Variants in SPATA17 observed in about 807,000 individuals in gnomAD.
The protein encoded by SPATA17 is spermatogenesis-associated protein 17.
In SPATA17, 53 loss-of-function variants were observed where a neutral mutation model predicts 62.2. That is an observed-to-expected ratio of 0.85 (90% CI 0.68 to 1.07). SPATA17 has a LOEUF of 1.07. Ranked by LOEUF, SPATA17 falls within the 50% of genes least tolerant of loss-of-function variation. The pLI, the probability that SPATA17 is intolerant of heterozygous loss-of-function variation, is 0.00. For synonymous variants in SPATA17, 146 were observed against 146.8 expected (o/e 0.99, Z 0.04); for missense variants, 466 against 425.5 (o/e 1.10, Z -0.84).
At chr1:217,755,065 G>A (rs1336733385) in intron 6 of SPATA17, among the ~76,000 whole-genome samples, 2 of 151,970 alleles carry the variant, frequency 1.3e-5, no homozygotes, top group African/African-American at 2.4e-5. Flanking sequence ...TATGCAAAAT[G>A]TAAATATTTT....
At chr1:217,667,957 C>G (rs1571718276) in intron 3 of SPATA17, among the ~76,000 whole-genome samples, 1 of 152,334 alleles carries the variant, frequency 6.6e-6, no homozygotes, top group Middle Eastern at 3.4e-3. Context: ...CCCTGCTGCT[C>G]TCCACAGACA....
intron 6 of SPATA17, among the ~76,000 whole-genome samples, chr1:217,748,743 C>CAAAA (rs34000760): frequency 8.7e-6 from 1 of 115,384 alleles, no homozygotes; most frequent in Admixed American, 9.6e-5. Context: ...GACTCTGACT[C>CAAAA]AAAAAAAAAA....
At chr1:217,800,890 G>A (rs1349982353) in intron 8 of SPATA17, among the ~76,000 whole-genome samples, 1 of 152,026 alleles carries the variant, frequency 6.6e-6, no homozygotes, top group Non-Finnish European at 1.5e-5. Flanking sequence ...TTTGGTGAGG[G>A]ATCTGGGTTA....
intron 9 of SPATA17, among the ~76,000 whole-genome samples, chr1:217,851,312 C>T (rs1461805451): frequency 2.6e-5 from 4 of 151,902 alleles, no homozygotes; most frequent in Admixed American, 2.6e-4. Context: ...ATTAATGATG[C>T]ATGTATACTA....
intron 9 of SPATA17, among the ~76,000 whole-genome samples, chr1:217,834,401 G>A (rs1037804282): frequency 6.6e-6 from 1 of 152,088 alleles, no homozygotes; most frequent in African/African-American, 2.4e-5. Context: ...ATTATCTTAG[G>A]AGATGACAGC....
chr1:217,824,780 A>T (rs1454665487), intron 9 of SPATA17, among the ~76,000 whole-genome samples: 1 of 150,966 alleles, frequency 6.6e-6, no homozygotes, highest in Non-Finnish European at 1.5e-5. Flanking sequence ...TACCTATGTG[A>T]TTGGTAAAAC....
intron 7 of SPATA17, 46 bp from the exon 8 acceptor site, chr1:217,782,128 A>C: frequency 6.6e-7 from 1 of 1,515,020 alleles, no homozygotes; most frequent in South Asian, 1.4e-5. Flanking sequence ...GTAATACCTC[A>C]AAAAAATCTT....
At chr1:217,761,720 G>A (rs978335674) in intron 6 of SPATA17, among the ~76,000 whole-genome samples, 12 of 152,030 alleles carry the variant, frequency 7.9e-5, no homozygotes, top group African/African-American at 2.9e-4. Flanking sequence ...ATTTTAGTTT[G>A]TTTTTTTCAA....
At position 217,831,570 on chromosome 1, in the gene SPATA17, A is replaced by C. The variant is rs533160135; in HGVS notation, c.1005+29720A>C. Among the ~76,000 whole-genome samples the C allele has an allele frequency of 1.2e-4, 19 of 152,296 alleles. No individual in the cohort carries two copies. The South Asian group carries it at 3.7e-3, about 30-fold the overall frequency. On this transcript the variant is annotated intron_variant, in intron 9 of 10. Coordinates refer to ENST00000366933, the MANE Select transcript of SPATA17 (RefSeq NM_138796.4). ...GTTTAATTAGTATTTAAAAGATCAA[A>C]TCCCTTTATAAAAAGGCCTACTCCA...
intron 9 of SPATA17, among the ~76,000 whole-genome samples, chr1:217,860,092 G>T (rs1256624764): frequency 6.6e-6 from 1 of 151,966 alleles, no homozygotes; most frequent in Non-Finnish European, 1.5e-5. Flanking sequence ...AATCTGATGG[G>T]TTGTATTTTC....
chr1:217,827,973 C>T (rs1039179503), intron 9 of SPATA17, among the ~76,000 whole-genome samples: 2 of 152,048 alleles, frequency 1.3e-5, no homozygotes, highest in African/African-American at 4.8e-5. Flanking sequence ...GTGCAGCAAA[C>T]CACAGGGCAC....
intron 3 of SPATA17, among the ~76,000 whole-genome samples, chr1:217,660,884 A>G (rs1670551430): frequency 6.6e-6 from 1 of 152,240 alleles, no homozygotes; most frequent in South Asian, 2.1e-4. Context: ...AAGGATGTTT[A>G]TAAGAAACAT....
At chr1:217,852,425 G>A (rs75997986) in intron 9 of SPATA17, among the ~76,000 whole-genome samples, 17 of 152,242 alleles carry the variant, frequency 1.1e-4, no homozygotes, top group Non-Finnish European at 1.9e-4. Flanking sequence ...TCACTGGCTG[G>A]ATTATTATAT....
intron 4 of SPATA17, among the ~76,000 whole-genome samples, chr1:217,682,822 T>C (rs1671118557): frequency 6.6e-6 from 1 of 152,160 alleles, no homozygotes; most frequent in African/African-American, 2.4e-5. Context: ...TTAAATATTT[T>C]GATACCACTG....
At chr1:217,788,972 A>C (rs1175770090) in intron 8 of SPATA17, among the ~76,000 whole-genome samples, 4 of 152,200 alleles carry the variant, frequency 2.6e-5, no homozygotes, top group South Asian at 4.1e-4. Flanking sequence ...AATTTGAAGG[A>C]ACTCCTCAAA....
chr1:217,815,668 G>T (rs1448131744), intron 9 of SPATA17, among the ~76,000 whole-genome samples: 1 of 152,144 alleles, frequency 6.6e-6, no homozygotes, highest in African/African-American at 2.4e-5. Flanking sequence ...TTTATGTAAA[G>T]CAGATTATCC....
At chr1:217,764,245 C>T (rs951593309) in intron 6 of SPATA17, among the ~76,000 whole-genome samples, 1 of 152,080 alleles carries the variant, frequency 6.6e-6, no homozygotes, top group Non-Finnish European at 1.5e-5. Flanking sequence ...CCTCTTCATC[C>T]CTCCCTCCCT....
chr1:217,782,183 C>T lies in SPATA17; in HGVS notation c.733C>T (p.Arg245Ter), dbSNP rs756118007. 3.5e-5 allele frequency: 56 copies of T among 1,591,106 alleles called. 1 individual carries two copies. The South Asian group carries it at 5.6e-4, about 16-fold the overall frequency. Reference protein sequence around the residue: ...INRKQCQGPFRDITEVLEQRY... With the variant: ...INRKQCQGPF ...CATCCTGTCTTGTCAGGGGCCCTTC[C>T]GAGATATCACCGAAGTATTAGAACA... The change falls in exon 8 of 11, where the codon CGA (arginine) becomes TGA (stop). Residue 245 changes from arginine (R) to a stop codon, truncating the protein, a stop_gained. Transcript: ENST00000366933. LOFTEE classifies it high-confidence loss of function.
At chr1:217,838,203 A>G (rs1041971700) in intron 9 of SPATA17, among the ~76,000 whole-genome samples, 1 of 152,082 alleles carries the variant, frequency 6.6e-6, no homozygotes, top group Admixed American at 6.6e-5. Context: ...TAGTATTTCT[A>G]TTAGACAGCA....
Sources: allele counts gnomAD v4.1 joint callset (sites outside exome capture counted in the v4.1 genomes callset), GRCh38; gene constraint gnomAD v4.1.1; transcripts MANE v1.5; gene names NCBI Gene and HGNC (gene_info 2026-07-23, HGNC 2026-07-21).